Variants in HFE observed in about 807,000 individuals in gnomAD.
HFE encodes the protein homeostatic iron regulator.
Under a neutral mutation model 40.9 loss-of-function variants are expected in HFE, and 36 were observed. The observed-to-expected ratio is 0.88, with a 90% CI of 0.67 to 1.16. HFE has a LOEUF of 1.16. Ranked by LOEUF, HFE falls within the 50% of genes most tolerant of loss-of-function variation. HFE has a pLI of 0.00. For synonymous variants in HFE, 157 were observed against 165.4 expected (o/e 0.95, Z 0.39); for missense variants, 376 against 432.0 (o/e 0.87, Z 1.15).
rs143175221 is a variant in HFE at position 26,092,952 on chromosome 6, T to C, written c.884T>C (p.Val295Ala). The C allele has an allele frequency of 4.2e-4, 673 of 1,614,014 alleles. 2 individuals carry two copies. The highest frequency in any genetic ancestry group is 2.2e-3 in the East Asian group (97 of 44,880). Residue 295 changes from valine to alanine, a missense_variant, in exon 4 of 6, where the codon GTG becomes GCG. This residue lies in a region of HFE where 173 missense variants were observed against 186.9 expected (regional missense o/e 0.93). Transcript: ENST00000357618. ...EHPGLDQPLI[V>A]IWEPSPSGTL... Reference sequence around the variant, plus strand: ...CCAGGCCTGGATCAGCCCCTCATTGTGATCTGGGGTATGTGACTGATGAGA... The same window carrying C: ...CCAGGCCTGGATCAGCCCCTCATTGCGATCTGGGGTATGTGACTGATGAGA...
At chr6:26,094,071 C>T in intron 5 of HFE, 115 bp from the exon 6 acceptor site, 2 of 1,002,814 alleles carry the variant, frequency 2.0e-6, no homozygotes, top group South Asian at 1.3e-5. Flanking sequence ...TCTTGAAATC[C>T]AATAGTGCCC....
intron 1 of HFE, among the ~76,000 whole-genome samples, chr6:26,088,635 T>G (rs1762450714): frequency 6.6e-6 from 1 of 152,210 alleles, no homozygotes; most frequent in African/African-American, 2.4e-5. Flanking sequence ...ACGGCCTGCT[T>G]CCTGGCAAAT....
At chr6:26,093,776 T>C (rs1015925897) in intron 5 of HFE, among the ~76,000 whole-genome samples, 1 of 152,024 alleles carries the variant, frequency 6.6e-6, no homozygotes, top group Non-Finnish European at 1.5e-5. Flanking sequence ...AAATAATTAC[T>C]GTACCTTAAC....
At position 26,095,283 on chromosome 6, in the gene HFE, A is replaced by AGT; in HGVS notation, c.*1057_*1058insGT. 1 of 152,274 alleles carries AGT rather than the reference A, an allele frequency of 6.6e-6. No homozygotes were observed. Among genetic ancestry groups the AGT allele is most frequent in the Non-Finnish European group, 1.5e-5 (1 of 68,036 alleles). 9.4% of individuals were successfully genotyped at this position (152,274 alleles called of 1,614,324 possible). On this transcript the variant is annotated 3_prime_UTR_variant, in exon 6 of 6. Transcript: ENST00000357618. ...AGCGGGTGGATCACGAGGTCAGGAG[A>AGT]TCGAGACCATCCTGGCTAACATGGT...
chr6:26,096,278 C>A lies in HFE; in HGVS notation c.*2052C>A. On this transcript the variant is annotated 3_prime_UTR_variant, in exon 6 of 6. Coordinates refer to ENST00000357618, the MANE Select transcript of HFE (RefSeq NM_000410.4). ...CCTCCCAAGTAGCTGGGATTACAGGCGTGCACCACCATGCCCGGCTAATTT... is the reference window on the plus strand; with the variant it reads ...CCTCCCAAGTAGCTGGGATTACAGGAGTGCACCACCATGCCCGGCTAATTT... The A allele has an allele frequency of 3.0e-6, 1 of 332,674 alleles. No individual in the cohort carries two copies. The highest frequency in any genetic ancestry group is 2.3e-5 in the South Asian group (1 of 42,790). 20.6% of individuals were successfully genotyped at this position (332,674 alleles called of 1,614,324 possible).
At chr6:26,090,797 C>A in intron 1 of HFE, 44 bp from the exon 2 acceptor site, 1 of 1,606,338 alleles carries the variant, frequency 6.2e-7, no homozygotes, top group Non-Finnish European at 8.5e-7. Flanking sequence ...ACATCCTGCT[C>A]CCCTCCTACT....
chr6:26,092,976 G>C lies in HFE; in HGVS notation c.892+16G>C, dbSNP rs145172249. On this transcript the variant is annotated intron_variant, in intron 4 of 5. Coordinates refer to ENST00000357618, the MANE Select transcript of HFE (RefSeq NM_000410.4). ...GTGATCTGGGGTATGTGACTGATGAGAGCCAGGAGCTGAGAAAATCTATTG... is the reference window on the plus strand; with the variant it reads ...GTGATCTGGGGTATGTGACTGATGACAGCCAGGAGCTGAGAAAATCTATTG... 3.9e-3 allele frequency: 6,305 copies of C among 1,613,960 alleles called. 218 individuals are homozygous for C. Among genetic ancestry groups the C allele is most frequent in the Non-Finnish European group, 7.6e-4 (894 of 1,180,044 alleles).
Position 26,094,857 on chromosome 6 carries a change from G to A in HFE, c.*631G>A. The A allele has an allele frequency of 5.2e-6, 1 of 192,122 alleles. No individual in the cohort carries two copies. Among genetic ancestry groups the A allele is most frequent in the Non-Finnish European group, 1.1e-5 (1 of 91,654 alleles). 11.9% of individuals were successfully genotyped at this position (192,122 alleles called of 1,614,324 possible). A position where few individuals can be genotyped will look rare whatever the true frequency, so the allele number is the denominator to read the frequency against. ...GAAAAAGCATCATGGCTATCTGTGGGTAGTATGATGGGTGTTTTTAGCAGG... is the reference window on the plus strand; with the variant it reads ...GAAAAAGCATCATGGCTATCTGTGGATAGTATGATGGGTGTTTTTAGCAGG... On this transcript the variant is annotated 3_prime_UTR_variant, in exon 6 of 6. Coordinates refer to ENST00000357618, the MANE Select transcript of HFE (RefSeq NM_000410.4).
In HFE at chr6:26,096,931, G is replaced by A; in HGVS notation, c.*2705G>A. ...TTTGCTTCTAATTTCTTTACATTTT[G>A]TCTTACGGAATATTTTCATTCAACT... On this transcript the variant is annotated 3_prime_UTR_variant, in exon 6 of 6. Coordinates refer to ENST00000357618, the MANE Select transcript of HFE (RefSeq NM_000410.4). The A allele has an allele frequency of 4.7e-6, 1 of 213,912 alleles. No homozygotes were observed. The highest frequency in any genetic ancestry group is 9.5e-6 in the Non-Finnish European group (1 of 105,506). 13.3% of individuals were successfully genotyped at this position (213,912 alleles called of 1,614,324 possible).
At chr6:26,090,216 G>C (rs942736391) in intron 1 of HFE, among the ~76,000 whole-genome samples, 4 of 151,982 alleles carry the variant, frequency 2.6e-5, no homozygotes, top group African/African-American at 9.7e-5. Context: ...GCTGAGGCAG[G>C]TAGATCATTT....
Position 26,093,202 on chromosome 6 carries a change from T to A in HFE, c.976T>A (p.Phe326Ile), listed in dbSNP as rs1214213770. The A allele has an allele frequency of 6.2e-7, 1 of 1,613,896 alleles. No homozygotes were observed. The highest frequency in any genetic ancestry group is 8.5e-7 in the Non-Finnish European group (1 of 1,179,816). Residue 326 changes from phenylalanine (F) to isoleucine (I), a missense_variant, in exon 5 of 6, where the codon TTC (phenylalanine) becomes ATC (isoleucine). Around this residue, in one of 3 missense-constraint regions of HFE, gnomAD observed 173 missense variants for 186.9 expected, o/e 0.93. Transcript: ENST00000357618. ...CGTCATCTTGTTCATTGGAATTTTG[T>A]TCATAATATTAAGGAAGAGGCAGGG... ...FVVILFIGIL[F>I]IILRKRQGSR... is the part of the protein sequence containing the mutation.
At position 26,088,084 on chromosome 6, in the gene HFE, G is replaced by A. The variant is rs568342669; in HGVS notation, c.76+568G>A. ...CCACCCACTTTTGGTGAGACCTGGG[G>A]TGGAGGTCTCTAGGGTGGGAGGCTC... On this transcript the variant is annotated intron_variant, in intron 1 of 5. Coordinates refer to ENST00000357618, the MANE Select transcript of HFE (RefSeq NM_000410.4). 1.7e-3 allele frequency among the ~76,000 whole-genome samples: 254 copies of A among 152,364 alleles called. 1 individual carries two copies. The highest frequency in any genetic ancestry group is 2.7e-3 in the Non-Finnish European group (181 of 68,038).
intron 3 of HFE, 110 bp downstream of exon 3, chr6:26,091,699 C>A (rs1324214595): frequency 2.6e-6 from 3 of 1,135,636 alleles, no homozygotes; most frequent in Non-Finnish European, 3.9e-6. Flanking sequence ...CTGTGTGCCT[C>A]TCCAAATTCT....
chr6:26,092,375 A>G (rs1461579665), intron 3 of HFE, among the ~76,000 whole-genome samples: 1 of 152,166 alleles, frequency 6.6e-6, no homozygotes, highest in East Asian at 1.9e-4. Flanking sequence ...AGGTTGACCC[A>G]GGTGAAACTG....
rs2113771642 is a variant in HFE at position 26,095,186 on chromosome 6, T to C, written c.*960T>C. On this transcript the variant is annotated 3_prime_UTR_variant, in exon 6 of 6. Transcript: ENST00000357618. ...TAGGTACTATTATCCCCATTTCTTTTTTAAATGAAGAAAGTGAAGTAGGCC... is the reference window on the plus strand; with the variant it reads ...TAGGTACTATTATCCCCATTTCTTTCTTAAATGAAGAAAGTGAAGTAGGCC... 6.6e-6 allele frequency: 1 copy of C among 152,336 alleles called. No individual in the cohort carries two copies. Among genetic ancestry groups the C allele is most frequent in the South Asian group, 2.1e-4 (1 of 4,824 alleles). 9.4% of individuals were successfully genotyped at this position (152,336 alleles called of 1,614,324 possible). A position where few individuals can be genotyped will look rare whatever the true frequency, so the allele number is the denominator to read the frequency against.
rs116164062 is a variant in HFE at position 26,096,160 on chromosome 6, T to C, written c.*1934T>C. 8.4e-3 allele frequency: 1,333 copies of C among 158,998 alleles called. 17 individuals carry two copies. The highest frequency in any genetic ancestry group is 0.03 in the African/African-American group (1,260 of 41,398). The allele number at this position is 158,998 out of a possible 1,614,324, so 9.8% of individuals were successfully genotyped here. A position where few individuals can be genotyped will look rare whatever the true frequency, so the allele number is the denominator to read the frequency against. ...GTTCAAAAGAGTCTTTTTTTTTTTT[T>C]TGAGACTCTATTGCCCAGGCTGGAG... On this transcript the variant is annotated 3_prime_UTR_variant, in exon 6 of 6. Transcript: ENST00000357618.
rs1283503303 is a variant in HFE, at chr6:26,092,947, C to T, written c.879C>T (p.Leu293=). The T allele has an allele frequency of 6.2e-7, 1 of 1,614,084 alleles. No individual in the cohort carries two copies. The highest frequency in any genetic ancestry group is 1.1e-5 in the South Asian group (1 of 91,070). The change falls in exon 4 of 6, where the codon CTC becomes CTT. Residue 293 remains leucine, a synonymous_variant. Coordinates refer to ENST00000357618, the MANE Select transcript of HFE (RefSeq NM_000410.4). ...AGCACCCAGGCCTGGATCAGCCCCTCATTGTGATCTGGGGTATGTGACTGA... is the reference window on the plus strand; with the variant it reads ...AGCACCCAGGCCTGGATCAGCCCCTTATTGTGATCTGGGGTATGTGACTGA... The part of the protein sequence containing the change: ...QVEHPGLDQP[L]IVIWEPSPSG...
rs577435357 is a variant in HFE at position 26,087,993 on chromosome 6, AG to A, written c.76+478del. 3.9e-4 allele frequency among the ~76,000 whole-genome samples: 59 copies of A among 152,308 alleles called. No homozygotes were observed. The East Asian group carries it at 0.011, about 28-fold the overall frequency. On this transcript the variant is annotated intron_variant, in intron 1 of 5. Transcript: ENST00000357618. The stretch of plus-strand genomic sequence containing the variant: ...AGGATCCGCACGGGGTTTCCACCTC[AG>A]AACGAATGCGTTGGGCGGTGGGGGC...
At position 26,091,446 on chromosome 6, in the gene HFE, C is replaced by A. The variant is rs1360442264; in HGVS notation, c.473C>A (p.Ala158Glu). 12 of 1,614,054 alleles carry A rather than the reference C, an allele frequency of 7.4e-6. No individual in the cohort carries two copies. In the African/African-American group the frequency reaches 1.1e-4, roughly 14 times the overall value. Residue 158 changes from alanine (A) to glutamate (E), a missense_variant, in exon 3 of 6, where the codon GCA becomes GAA. Physicochemically the swap from Ala to Glu is moderately radical, Grantham distance 107 (BLOSUM62 -1). This residue lies in a region of HFE where 200 missense variants were observed against 228.5 expected (regional missense o/e 0.88). Transcript: ENST00000357618. ...CCTGACACACTGGATTGGAGAGCAG[C>A]AGAACCCAGGGCCTGGCCCACCAAG... ...FCPDTLDWRA[A>E]EPRAWPTKLE...
Sources: gnomAD v4.1 joint callset for allele counts (sites outside exome capture counted in the v4.1 genomes callset) on GRCh38, gnomAD v4.1.1 for gene constraint, gnomAD v4.1.1 regional missense constraint, MANE v1.5 for transcripts, NCBI Gene and HGNC (gene_info 2026-07-23, HGNC 2026-07-21) for gene names.